Variants in MYH11 observed in about 807,000 individuals in gnomAD.
The protein encoded by MYH11 is myosin heavy chain 11, also known as myosin-11.
In MYH11, 80 loss-of-function variants were observed where a neutral mutation model predicts 246.6. The observed-to-expected ratio is 0.32, with a 90% CI of 0.27 to 0.39. MYH11 has a LOEUF of 0.39. Ranked by LOEUF, MYH11 falls within the 10% of genes least tolerant of loss-of-function variation. The pLI, the probability that MYH11 is intolerant of heterozygous loss-of-function variation, is 1.00. For synonymous variants in MYH11, 1,071 were observed against 1,015.5 expected (o/e 1.05, Z -1.04); for missense variants, 2,158 against 2,546.8 (o/e 0.85, Z 3.29).
chr16:15,836,207 C>T (rs145384855), intron 2 of MYH11, among the ~76,000 whole-genome samples: 55 of 152,102 alleles, frequency 3.6e-4, no homozygotes, highest in African/African-American at 9.9e-4. Flanking sequence ...TCTGGCGACC[C>T]GTGCCCCACA....
In MYH11 at chr16:15,827,984, C is replaced by T. The variant is rs1042566744; in HGVS notation, c.346-4573G>A. Among the ~76,000 whole-genome samples, 8 of 152,364 alleles carry T rather than the reference C, an allele frequency of 5.3e-5. No individual in the cohort carries two copies. In the South Asian group the frequency reaches 1.7e-3, roughly 32 times the overall value. ...TCCAGCTCCTCTGGGGCCATGTCCA[C>T]TGCCACGCCCCTTTTGAATGTAGGT... is the stretch of plus-strand genomic sequence containing the variant. On this transcript the variant is annotated intron_variant, in intron 2 of 40. Coordinates refer to ENST00000300036, the MANE Select transcript of MYH11 (RefSeq NM_002474.3).
intron 20 of MYH11, among the ~76,000 whole-genome samples, chr16:15,744,400 G>C (rs1356961735): frequency 6.6e-6 from 1 of 152,032 alleles, no homozygotes; most frequent in African/African-American, 2.4e-5. Context: ...TCACCATCTT[G>C]GCCAGGATGG....
chr16:15,796,160 C>T (rs8063887), intron 4 of MYH11, among the ~76,000 whole-genome samples: 41,242 of 151,964 alleles, frequency 0.27, 6,420 homozygotes, highest in African/African-American at 0.43. Flanking sequence ...AGCATCATAC[C>T]GTCCAAGGCA....
chr16:15,749,163 T>A (rs917880767), intron 16 of MYH11: 8 of 151,444 alleles, frequency 5.3e-5, no homozygotes, highest in African/African-American at 1.7e-4. Flanking sequence ...TTTTTTTTTT[T>A]TTTTAAGATG....
At chr16:15,729,369 T>G (rs2040892590) in intron 27 of MYH11, among the ~76,000 whole-genome samples, 2 of 152,140 alleles carry the variant, frequency 1.3e-5, no homozygotes, top group Non-Finnish European at 2.9e-5. Flanking sequence ...GGTTTGCACC[T>G]CTACCTGCTT....
intron 28 of MYH11, 100 bp from the exon 29 acceptor site, chr16:15,725,092 G>T: frequency 2.2e-6 from 2 of 902,294 alleles, no homozygotes; most frequent in Non-Finnish European, 1.8e-6. Context: ...TACTTGAGGT[G>T]TTCACTGATT....
intron 25 of MYH11, among the ~76,000 whole-genome samples, chr16:15,735,812 G>A (rs766457700): frequency 8.5e-5 from 13 of 152,272 alleles, no homozygotes; most frequent in East Asian, 3.8e-4. Flanking sequence ...GTGTGTGTAC[G>A]TGTGTATGCA....
intron 3 of MYH11, among the ~76,000 whole-genome samples, chr16:15,813,877 G>A (rs569747961): frequency 2.6e-5 from 4 of 151,470 alleles, no homozygotes; most frequent in African/African-American, 9.7e-5. Context: ...TAAAAAGGCC[G>A]GGCGTGGTGG....
intron 9 of MYH11, among the ~76,000 whole-genome samples, chr16:15,766,344 G>GGTGGGT (rs1555564407): frequency 7.3e-6 from 1 of 136,688 alleles, no homozygotes; most frequent in Non-Finnish European, 1.6e-5. Flanking sequence ...CATGTTTTTT[G>GGTGGGT]GTGTGTGTGT....
rs1003775995 is a variant in MYH11, at chr16:15,709,068, G to C, written c.5787-4945C>G. ...AGTGATCCCCTTGTCTCAGCCTCCC[G>C]AGTAGCTGGGATTACAGGCAGGCCC... On this transcript the variant is annotated intron_variant, in intron 40 of 40. Transcript: ENST00000300036. Among the ~76,000 whole-genome samples, 78 of 151,858 alleles carry C rather than the reference G, an allele frequency of 5.1e-4. 5 individuals carry two copies. Among genetic ancestry groups the C allele is most frequent in the Non-Finnish European group, 1.5e-5 (1 of 67,984 alleles).
At position 15,708,861 on chromosome 16, in the gene MYH11, C is replaced by A. The variant is rs2039617018; in HGVS notation, c.5787-4738G>T. On this transcript the variant is annotated intron_variant, in intron 40 of 40. Transcript: ENST00000300036. Reference sequence around the variant, plus strand: ...GGCCCTCTGAAACAGAGAGAGAATCCCCGGAGGTTACCATCAGCAAACAAG... The same window carrying A: ...GGCCCTCTGAAACAGAGAGAGAATCACCGGAGGTTACCATCAGCAAACAAG... The A allele has an allele frequency of 6.2e-7, 1 of 1,608,192 alleles. No homozygotes were observed. The highest frequency in any genetic ancestry group is 8.5e-7 in the Non-Finnish European group (1 of 1,177,610).
chr16:15,768,334 C>T lies in MYH11; in HGVS notation c.1033+3235G>A, dbSNP rs200703024. Among the ~76,000 whole-genome samples the T allele has an allele frequency of 6.6e-5, 10 of 152,216 alleles. No homozygotes were observed. The East Asian group carries it at 9.6e-4, about 15-fold the overall frequency. ...AGTATAACCAGGCCAGGCATGGTGG[C>T]GCATGAGGATATCTTGAGGCCAGGA... On this transcript the variant is annotated intron_variant, in intron 9 of 40. Coordinates refer to ENST00000300036, the MANE Select transcript of MYH11 (RefSeq NM_002474.3).
chr16:15,724,153 C>T lies in MYH11; in HGVS notation c.4365+8G>A. The T allele has an allele frequency of 6.2e-7, 1 of 1,612,864 alleles. No individual in the cohort carries two copies. Among genetic ancestry groups the T allele is most frequent in the Non-Finnish European group, 8.5e-7 (1 of 1,180,032 alleles). On this transcript the variant is annotated splice_region_variant and intron_variant, in intron 31 of 40. Coordinates refer to ENST00000300036, the MANE Select transcript of MYH11 (RefSeq NM_002474.3). ...TGGCCAGAGTGGGGGACACCCCACGCCCTCTACCTGATCAAATTTCCTCTG... is the reference window on the plus strand; with the variant it reads ...TGGCCAGAGTGGGGGACACCCCACGTCCTCTACCTGATCAAATTTCCTCTG...
At chr16:15,831,464 GGTGTGTGTGTGTGTGTGTGT>G (rs59352444) in intron 2 of MYH11, among the ~76,000 whole-genome samples, 1 of 145,588 alleles carries the variant, frequency 6.9e-6, no homozygotes, top group African/African-American at 2.6e-5. Flanking sequence ...TTATGTTTGG[GGTGTGTGTGTGTGTGTGTGT>G]GTGTGTGTGT....
Position 15,724,289 on chromosome 16 carries a change from C to A in MYH11, c.4237G>T (p.Ala1413Ser), listed in dbSNP as rs1025147024. The change falls in exon 31 of 41, where the codon GCC (alanine) becomes TCC (serine). Residue 1413 changes from alanine (A) to serine (S), a missense_variant. Physicochemically the swap from Ala to Ser is moderately conservative, Grantham distance 99. This residue lies in a region of MYH11 where 1,013 missense variants were observed against 993.5 expected (regional missense o/e 1.02). Coordinates refer to ENST00000300036, the MANE Select transcript of MYH11 (RefSeq NM_002474.3). ...NLTQQYEEKAAAYDKLEKTKN... is the reference protein window; with the variant it reads ...NLTQQYEEKASAYDKLEKTKN... ...GTCTTTTCCAGTTTATCATAAGCGG[C>A]CGCCTTCTCCTCGTACTGCTGGGTG... The A allele has an allele frequency of 2.2e-5, 36 of 1,614,062 alleles. No homozygotes were observed. The highest frequency in any genetic ancestry group is 2.9e-5 in the Non-Finnish European group (34 of 1,180,042).
At chr16:15,807,474 C>A (rs778121480) in intron 3 of MYH11, among the ~76,000 whole-genome samples, 3 of 152,060 alleles carry the variant, frequency 2.0e-5, no homozygotes, top group South Asian at 4.1e-4. Context: ...GAAGCCTTCA[C>A]GGCAGAGGTG....
At chr16:15,804,145 C>G (rs1182914996) in intron 3 of MYH11, among the ~76,000 whole-genome samples, 3 of 152,202 alleles carry the variant, frequency 2.0e-5, no homozygotes, top group Non-Finnish European at 4.4e-5. Context: ...CCCACCACCA[C>G]TTCTTCTCTG....
At chr16:15,791,101 G>A (rs906380273) in intron 4 of MYH11, 1 of 151,628 alleles carries the variant, frequency 6.6e-6, no homozygotes, top group African/African-American at 2.4e-5. Context: ...AACTACAGGT[G>A]CCCGCCACTA....
chr16:15,726,182 C>T (rs1398486406), intron 28 of MYH11: 4 of 155,440 alleles, frequency 2.6e-5, no homozygotes, highest in Non-Finnish European at 5.7e-5. Context: ...CATCATTTGA[C>T]ATTCATTTGT....
Sources: allele counts gnomAD v4.1 joint callset (sites outside exome capture counted in the v4.1 genomes callset), GRCh38; gene constraint gnomAD v4.1.1; regional missense constraint gnomAD v4.1.1; transcripts MANE v1.5; gene names NCBI Gene and HGNC (gene_info 2026-07-23, HGNC 2026-07-21).